The following SLC18B1 variants were observed in gnomAD, a reference collection of about 807,000 sequenced individuals.
The protein encoded by SLC18B1 is MFS-type transporter SLC18B1.
A neutral mutation model predicts 53.9 loss-of-function variants in SLC18B1; 62 were observed. That is an observed-to-expected ratio of 1.15 (90% CI 0.94 to 1.42). SLC18B1 has a LOEUF of 1.42. Among genes scored for constraint, SLC18B1 ranks in the 40% most tolerant of loss-of-function variants. SLC18B1 has a pLI of 0.00. For missense variants in SLC18B1, 598 were observed against 547.3 expected (o/e 1.09, Z -0.93); for synonymous variants, 217 against 200.9 (o/e 1.08, Z -0.68).
intron 2 of SLC18B1, among the ~76,000 whole-genome samples, chr6:132,794,282 T>G (rs1781617820): frequency 1.3e-5 from 2 of 152,000 alleles, no homozygotes; most frequent in South Asian, 4.2e-4. Flanking sequence ...TTTTGTATTT[T>G]TAGTACAGAC....
At position 132,772,104 on chromosome 6, in the gene SLC18B1, A is replaced by G. The variant is rs1554220998; in HGVS notation, c.1160+28T>C. On this transcript the variant is annotated intron_variant, in intron 11 of 13. Coordinates refer to ENST00000275227, the MANE Select transcript of SLC18B1 (RefSeq NM_052831.3). ...TGAAACTCCATCTCAAAAAAAAAAAAAAAGAAAGAAATTAAATGACTACTC... is the reference window on the plus strand; with the variant it reads ...TGAAACTCCATCTCAAAAAAAAAAAGAAAGAAAGAAATTAAATGACTACTC... 29 of 1,521,452 alleles carry G rather than the reference A, an allele frequency of 1.9e-5. No homozygotes were observed. The South Asian group carries it at 2.5e-4, about 13-fold the overall frequency. The allele number at this position is 1,521,452 out of a possible 1,614,324, so 94.2% of individuals were successfully genotyped here.
intron 8 of SLC18B1, 44 bp downstream of exon 8, chr6:132,776,284 C>G: frequency 6.7e-7 from 1 of 1,488,864 alleles, no homozygotes; most frequent in Non-Finnish European, 9.3e-7. Context: ...AACCACTGCT[C>G]TAAACATACA....
At chr6:132,770,758 A>G (rs538337794) in intron 13 of SLC18B1, 132 bp downstream of exon 13, 121 of 867,490 alleles carry the variant, frequency 1.4e-4, no homozygotes, top group Non-Finnish European at 2.1e-4. Flanking sequence ...TTAAAAAAGT[A>G]TCTACCAACT....
intron 4 of SLC18B1, chr6:132,789,461 C>T (rs1286681519): frequency 3.9e-5 from 9 of 229,312 alleles, no homozygotes; most frequent in Non-Finnish European, 5.9e-5. Context: ...CACTTTTTTA[C>T]TGAAGCTAGT....
chr6:132,797,476 G>A (rs1451693748), intron 1 of SLC18B1, among the ~76,000 whole-genome samples: 1 of 152,112 alleles, frequency 6.6e-6, no homozygotes, highest in Non-Finnish European at 1.5e-5. Context: ...GCGGGCCCCT[G>A]TATCCCAGCT....
chr6:132,779,436 A>C, intron 6 of SLC18B1, 32 bp from the exon 7 acceptor site: 1 of 1,571,276 alleles, frequency 6.4e-7, no homozygotes. Flanking sequence ...AGAAAAAAAA[A>C]ATGAAAGCAA....
At chr6:132,788,560 C>T (rs1476064768) in intron 4 of SLC18B1, among the ~76,000 whole-genome samples, 1 of 152,080 alleles carries the variant, frequency 6.6e-6, no homozygotes, top group African/African-American at 2.4e-5. Flanking sequence ...GTGGCTCACG[C>T]CTGTAATTCT....
In SLC18B1 at chr6:132,789,696, A is replaced by G. The variant is rs116102000; in HGVS notation, c.353+68T>C. On this transcript the variant is annotated intron_variant, in intron 4 of 13. Coordinates refer to ENST00000275227, the MANE Select transcript of SLC18B1 (RefSeq NM_052831.3). ...GAACCATTGACTTAAAGAGTATTTA[A>G]CAATTTAAACAGAAGATACATTACA... 2,051 of 1,079,006 alleles carry G rather than the reference A, an allele frequency of 1.9e-3. 30 individuals are homozygous for G. In the African/African-American group the frequency reaches 0.029, roughly 15 times the overall value. The allele number at this position is 1,079,006 out of a possible 1,614,324, so 66.8% of individuals were successfully genotyped here.
At chr6:132,781,043 T>C (rs968504878) in intron 6 of SLC18B1, among the ~76,000 whole-genome samples, 4 of 152,218 alleles carry the variant, frequency 2.6e-5, no homozygotes, top group Non-Finnish European at 2.9e-5. Flanking sequence ...GAATTGTATA[T>C]ACTAAGGATG....
At chr6:132,787,320 T>C (rs907688763) in intron 5 of SLC18B1, 114 bp downstream of exon 5, 1 of 1,054,736 alleles carries the variant, frequency 9.5e-7, no homozygotes, top group East Asian at 2.9e-5. Flanking sequence ...GCAACAATAA[T>C]ACAGAGAGTA....
At chr6:132,797,856 T>G (rs991815231) in intron 1 of SLC18B1, among the ~76,000 whole-genome samples, 16 of 152,346 alleles carry the variant, frequency 1.1e-4, no homozygotes, top group African/African-American at 1.7e-4. Flanking sequence ...TAAATTGTCA[T>G]TTAAAAACAC....
rs1043014999 is a variant in SLC18B1 at position 132,797,022 on chromosome 6, A to G, written c.143T>C (p.Met48Thr). The change falls in exon 2 of 14, where the codon ATG becomes ACG. Residue 48 changes from methionine to threonine, a missense_variant. Met to Thr is a moderately conservative substitution (Grantham distance 81, BLOSUM62 -1). Coordinates refer to ENST00000275227, the MANE Select transcript of SLC18B1 (RefSeq NM_052831.3). ...CGGTCCAAGTATAGAATAGCACATC[A>G]TGGAACCTAAGTTCACCGAAGCTGC... ...ISAASVNLGS[M>T]MCYSILGPFF... 2 of 1,614,228 alleles carry G rather than the reference A, an allele frequency of 1.2e-6. No individual in the cohort carries two copies. Among genetic ancestry groups the G allele is most frequent in the Non-Finnish European group, 1.7e-6 (2 of 1,180,030 alleles).
rs147348455 is a variant in SLC18B1, at chr6:132,779,344, A to G, written c.719T>C (p.Ile240Thr). Residue 240 changes from isoleucine (I) to threonine (T), a missense_variant, in exon 7 of 14, where the codon ATA (isoleucine) becomes ACA (threonine). Coordinates refer to ENST00000275227, the MANE Select transcript of SLC18B1 (RefSeq NM_052831.3). ...KLIALPKVGL[I>T]AFVINSLSSC... ...GCTGAGTGAGTTGATGACGAAGGCTATAAGGCCAACTTTGGGTAAAGCGAT... is the reference window on the plus strand; with the variant it reads ...GCTGAGTGAGTTGATGACGAAGGCTGTAAGGCCAACTTTGGGTAAAGCGAT... 237 of 1,613,992 alleles carry G rather than the reference A, an allele frequency of 1.5e-4. No homozygotes were observed. The highest frequency in any genetic ancestry group is 1.8e-4 in the Non-Finnish European group (211 of 1,179,976).
chr6:132,779,490 A>G, intron 6 of SLC18B1, 86 bp from the exon 7 acceptor site: 1 of 1,394,630 alleles, frequency 7.2e-7, no homozygotes, highest in South Asian at 1.4e-5. Flanking sequence ...TGGTAACACC[A>G]TCTTTATCTG....
Position 132,789,397 on chromosome 6 carries a change from C to T in SLC18B1, c.353+367G>A, listed in dbSNP as rs570709245. 2.4e-5 allele frequency: 4 copies of T among 165,182 alleles called. No individual in the cohort carries two copies. The South Asian group carries it at 6.9e-4, about 28-fold the overall frequency. The allele number at this position is 165,182 out of a possible 1,614,324, so 10.2% of individuals were successfully genotyped here. On this transcript the variant is annotated intron_variant, in intron 4 of 13. Transcript: ENST00000275227. Reference sequence around the variant, plus strand: ...CAAGAAGAAAAATTTCTCGTGACATCGTTTCAAATCTGTATTCTGATATTT... The same window carrying T: ...CAAGAAGAAAAATTTCTCGTGACATTGTTTCAAATCTGTATTCTGATATTT...
In SLC18B1 at chr6:132,787,470, C is replaced by T. The variant is rs1781405372; in HGVS notation, c.465G>A (p.Leu155=). The change falls in exon 5 of 14, where the codon CTG becomes CTA. Residue 155 remains leucine, a synonymous_variant. Coordinates refer to ENST00000275227, the MANE Select transcript of SLC18B1 (RefSeq NM_052831.3). ...AAAMTASSSI[L]AKAFPNNVAT... ...CCACGTTATTTGGAAAAGCCTTTGC[C>T]AGGATAGAAGAAGATGCAGTCATTG... 1.9e-6 allele frequency: 3 copies of T among 1,602,586 alleles called. No individual in the cohort carries two copies. The highest frequency in any genetic ancestry group is 2.6e-6 in the Non-Finnish European group (3 of 1,176,400).
intron 10 of SLC18B1, 41 bp from the exon 11 acceptor site, chr6:132,772,247 A>G: frequency 7.5e-7 from 1 of 1,340,220 alleles, no homozygotes; most frequent in Non-Finnish European, 1.0e-6. Context: ...TTAAAAGGAA[A>G]ACCTGTGTGA....
chr6:132,773,219 C>A (rs1001584969), intron 9 of SLC18B1, 131 bp from the exon 10 acceptor site: 7 of 493,580 alleles, frequency 1.4e-5, no homozygotes, highest in South Asian at 1.3e-4. Context: ...TAGTCTCATT[C>A]CCTTTCCCAT....
At chr6:132,789,061 T>C (rs1781459338) in intron 4 of SLC18B1, among the ~76,000 whole-genome samples, 1 of 152,166 alleles carries the variant, frequency 6.6e-6, no homozygotes, top group African/African-American at 2.4e-5. Flanking sequence ...TCCTCTATGT[T>C]CCCCCATGTA....
Sources: allele counts gnomAD v4.1 joint callset (sites outside exome capture counted in the v4.1 genomes callset), GRCh38; gene constraint gnomAD v4.1.1; transcripts MANE v1.5; gene names NCBI Gene and HGNC (gene_info 2026-07-23, HGNC 2026-07-21).